SYCP3: variants seen among roughly 807,000 people sequenced by gnomAD.
SYCP3 encodes synaptonemal complex protein 3.
Under a neutral mutation model 38.5 loss-of-function variants are expected in SYCP3, and 29 were observed. That is an observed-to-expected ratio of 0.75 (90% CI 0.56 to 1.03). The LOEUF (loss-of-function observed/expected upper bound fraction) is 1.03, where lower values mean the gene tolerates loss of function less well. SYCP3 is among the 50% of genes least tolerant of loss of function. The pLI, the probability that SYCP3 is intolerant of heterozygous loss-of-function variation, is 0.00. For synonymous variants in SYCP3, 79 were observed against 80.3 expected, an observed-to-expected ratio of 0.98 and a Z score of 0.08; for missense variants, 242 against 270.7, an observed-to-expected ratio of 0.89 and a Z score of 0.74.
At chr12:101,729,928 A>G (rs763520819) in intron 7 of SYCP3, among the ~76,000 whole-genome samples, 2 of 152,262 alleles carry the variant, frequency 1.3e-5, no homozygotes, top group Non-Finnish European at 1.5e-5. Context: ...GAAGGGCATA[A>G]GCAGAAGCAT....
At chr12:101,737,745 A>C (rs371076059) in intron 2 of SYCP3, 58 bp downstream of exon 2, 23 of 1,610,616 alleles carry the variant, frequency 1.4e-5, no homozygotes, top group Non-Finnish European at 8.5e-7. Flanking sequence ...GATAGTCTCA[A>C]TGGGTTCAAA....
At chr12:101,736,125 G>A (rs1952432602) in intron 4 of SYCP3, among the ~76,000 whole-genome samples, 1 of 151,682 alleles carries the variant, frequency 6.6e-6, no homozygotes, top group South Asian at 2.1e-4. Flanking sequence ...TGAGAAATAG[G>A]TGAATAAGAT....
Position 101,728,791 on chromosome 12 carries a change from G to T in SYCP3, c.*136C>A, listed in dbSNP as rs1952046067. On this transcript the variant is annotated 3_prime_UTR_variant, in exon 9 of 9. Transcript: ENST00000392924. Reference sequence around the variant, plus strand: ...TATTTAGATTTGACTTAACAGAAAGGGAGGTCTTACAATGAAACAGGTTTA... The same window carrying T: ...TATTTAGATTTGACTTAACAGAAAGTGAGGTCTTACAATGAAACAGGTTTA... The T allele has an allele frequency of 4.0e-6, 5 of 1,243,612 alleles. No individual in the cohort carries two copies. The highest frequency in any genetic ancestry group is 5.7e-6 in the Non-Finnish European group (5 of 877,748). The allele number at this position is 1,243,612 out of a possible 1,614,324, so 77.0% of individuals were successfully genotyped here.
chr12:101,737,733 A>T, intron 2 of SYCP3, 70 bp downstream of exon 2: 2 of 1,606,254 alleles, frequency 1.2e-6, no homozygotes, highest in Non-Finnish European at 1.7e-6. Flanking sequence ...ACTAAGTTGT[A>T]CGATAGTCTC....
chr12:101,737,019 G>C lies in SYCP3; in HGVS notation c.235+18C>G. The C allele has an allele frequency of 6.2e-7, 1 of 1,612,668 alleles. No homozygotes were observed. The highest frequency in any genetic ancestry group is 8.5e-7 in the Non-Finnish European group (1 of 1,178,988). On this transcript the variant is annotated intron_variant, in intron 4 of 8. Coordinates refer to ENST00000392924, the MANE Select transcript of SYCP3 (RefSeq NM_001177949.2). ...TTAAAACAATTTTCTTTAAATACAA[G>C]TATCTCCTAAAACCTACCTCCAACT...
chr12:101,729,597 A>G (rs187258228), intron 7 of SYCP3: 31 of 180,676 alleles, frequency 1.7e-4, no homozygotes, highest in Non-Finnish European at 2.6e-4. Context: ...AAAATAATCT[A>G]TAGTACAACC....
chr12:101,730,959 T>C lies in SYCP3; in HGVS notation c.552+609A>G, dbSNP rs1379317787. Among the ~76,000 whole-genome samples, 6 of 152,300 alleles carry C rather than the reference T, an allele frequency of 3.9e-5. 1 individual carries two copies. The East Asian group carries it at 1.2e-3, about 29-fold the overall frequency. On this transcript the variant is annotated intron_variant, in intron 7 of 8. Transcript: ENST00000392924. ...CCATTGAGCTTCTATGAATAGTTACTAAAAAGTATATTTCTGCCTGAACAA... is the reference window on the plus strand; with the variant it reads ...CCATTGAGCTTCTATGAATAGTTACCAAAAAGTATATTTCTGCCTGAACAA...
intron 1 of SYCP3, among the ~76,000 whole-genome samples, chr12:101,738,196 G>A (rs1952536844): frequency 6.6e-6 from 1 of 152,054 alleles, no homozygotes; most frequent in South Asian, 2.1e-4. Flanking sequence ...GGTTGAGGCA[G>A]GCAGATCACC....
rs1196867051 is a variant in SYCP3, at chr12:101,737,260, A to T, written c.172T>A (p.Ser58Thr). Residue 58 changes from serine to threonine, a missense_variant, in exon 3 of 9, where the codon TCT becomes ACT. Physicochemically the swap from Ser to Thr is moderately conservative, Grantham distance 58 (BLOSUM62 1). Coordinates refer to ENST00000392924, the MANE Select transcript of SYCP3 (RefSeq NM_001177949.2). ...AVIEKRRKKR[S>T]SAGVVEDMGG... is the part of the protein sequence containing the mutation. ...ATATCTTCAACTACTCCTGCAGAAG[A>T]CCTTTTCTTCCTACGTTTCTCAATG... The T allele has an allele frequency of 2.6e-5, 42 of 1,612,846 alleles. No homozygotes were observed. The highest frequency in any genetic ancestry group is 3.5e-5 in the Non-Finnish European group (41 of 1,179,832).
Position 101,739,371 on chromosome 12 carries a change from C to T in SYCP3, c.-38G>A, listed in dbSNP as rs1952620496. Reference sequence around the variant, plus strand: ...CACACCTGAAACACACCGCAATGGCCGAGGACCAGTTACTGGTCGTCGACA... The same window carrying T: ...CACACCTGAAACACACCGCAATGGCTGAGGACCAGTTACTGGTCGTCGACA... On this transcript the variant is annotated 5_prime_UTR_variant, in exon 1 of 9. Transcript: ENST00000392924. 2.0e-6 allele frequency: 2 copies of T among 1,002,746 alleles called. No homozygotes were observed. Among genetic ancestry groups the T allele is most frequent in the African/African-American group, 1.7e-5 (1 of 57,344 alleles). The allele number at this position is 1,002,746 out of a possible 1,614,324, so 62.1% of individuals were successfully genotyped here.
At position 101,739,065 on chromosome 12, in the gene SYCP3, T is replaced by C. The variant is rs547834614; in HGVS notation, c.-18+286A>G. ...GGAACCACGAAAGGCGCCCTCGGCG[T>C]GGAGCGGGCAGGAGGGAGACGCGCG... is the stretch of plus-strand genomic sequence containing the variant. On this transcript the variant is annotated intron_variant, in intron 1 of 8. Transcript: ENST00000392924. Among the ~76,000 whole-genome samples, 512 of 152,298 alleles carry C rather than the reference T, an allele frequency of 3.4e-3. 3 individuals carry two copies. Among genetic ancestry groups the C allele is most frequent in the African/African-American group, 0.012 (493 of 41,564 alleles).
intron 4 of SYCP3, among the ~76,000 whole-genome samples, chr12:101,736,832 A>G (rs546525091): frequency 1.3e-5 from 2 of 152,254 alleles, no homozygotes; most frequent in Non-Finnish European, 2.9e-5. Context: ...TCACATATGT[A>G]TAAAATACCA....
At chr12:101,735,384 C>A (rs988861269) in intron 4 of SYCP3, among the ~76,000 whole-genome samples, 1 of 152,126 alleles carries the variant, frequency 6.6e-6, no homozygotes, top group Non-Finnish European at 1.5e-5. Context: ...AAATGTAGGC[C>A]AGACGCGGTG....
chr12:101,736,412 C>A (rs1484542553), intron 4 of SYCP3, among the ~76,000 whole-genome samples: 1 of 152,036 alleles, frequency 6.6e-6, no homozygotes, highest in Non-Finnish European at 1.5e-5. Flanking sequence ...ACTGTATGAA[C>A]AATCCATTTA....
At position 101,728,648 on chromosome 12, in the gene SYCP3, T is replaced by C; in HGVS notation, c.*279A>G. On this transcript the variant is annotated 3_prime_UTR_variant, in exon 9 of 9. Coordinates refer to ENST00000392924, the MANE Select transcript of SYCP3 (RefSeq NM_001177949.2). ...GATAGAGATACAATGAAGCCAAACC[T>C]AAAATTAAATCGTCTTTATTTAATT... The C allele has an allele frequency of 2.5e-6, 1 of 394,844 alleles. No individual in the cohort carries two copies. Among genetic ancestry groups the C allele is most frequent in the South Asian group, 3.9e-5 (1 of 25,510 alleles). 24.5% of individuals were successfully genotyped at this position (394,844 alleles called of 1,614,324 possible). A position where few individuals can be genotyped will look rare whatever the true frequency, so the allele number is the denominator to read the frequency against.
chr12:101,729,558 T>C (rs1467599460), intron 7 of SYCP3: 1 of 211,490 alleles, frequency 4.7e-6, no homozygotes. Flanking sequence ...TTATGACTAA[T>C]AGTGTGCCAT....
intron 7 of SYCP3, 23 bp from the exon 8 acceptor site, chr12:101,729,236 A>C: frequency 6.2e-7 from 1 of 1,609,636 alleles, no homozygotes; most frequent in East Asian, 2.2e-5. Context: ...AAGACAAGTT[A>C]AGTTACAAAG....
chr12:101,737,843 A>T lies in SYCP3; in HGVS notation c.93T>A (p.Asp31Glu), dbSNP rs1457426351. 3.1e-6 allele frequency: 5 copies of T among 1,614,148 alleles called. No individual in the cohort carries two copies. The South Asian group carries it at 4.4e-5, about 14-fold the overall frequency. Residue 31 changes from aspartate (D) to glutamate (E), a missense_variant, in exon 2 of 9, where the codon GAT (aspartate) becomes GAA (glutamate). Asp to Glu is a conservative substitution (Grantham distance 45). Transcript: ENST00000392924. Reference protein sequence around the residue: ...FTRAYDFETEDKKDLSGSEED... With the variant: ...FTRAYDFETEEKKDLSGSEED... Reference sequence around the variant, plus strand: ...CCTCTGATCCACTCAGATCTTTCTTATCTTCAGTCTCAAAGTCATAGGCTC... The same window carrying T: ...CCTCTGATCCACTCAGATCTTTCTTTTCTTCAGTCTCAAAGTCATAGGCTC...
At chr12:101,733,383 C>A in intron 6 of SYCP3, 192 bp downstream of exon 6, 1 of 537,550 alleles carries the variant, frequency 1.9e-6, no homozygotes, top group South Asian at 2.5e-5. Context: ...GCAGGAACCC[C>A]AAACAATATA....
Sources: gnomAD v4.1 joint callset for allele counts (sites outside exome capture counted in the v4.1 genomes callset) on GRCh38, gnomAD v4.1.1 for gene constraint, MANE v1.5 for transcripts, NCBI Gene and HGNC (gene_info 2026-07-23, HGNC 2026-07-21) for gene names.